The following MLLT3 variants were observed in gnomAD, a reference collection of about 807,000 sequenced individuals.
MLLT3 encodes the protein protein AF-9.
A neutral mutation model predicts 53.2 loss-of-function variants in MLLT3; 4 were observed. The ratio of observed to expected loss-of-function variants is 0.08; its 90% confidence interval spans 0.04 to 0.17. The LOEUF (loss-of-function observed/expected upper bound fraction) is 0.17, where lower values mean the gene tolerates loss of function less well. Among genes scored for constraint, MLLT3 ranks in the 10% least tolerant of loss-of-function variants. The pLI is 1.00. For missense variants in MLLT3, 569 were observed against 684.0 expected (o/e 0.83, Z 1.87); for synonymous variants, 283 against 230.6 (o/e 1.23, Z -2.06).
intron 5 of MLLT3, among the ~76,000 whole-genome samples, chr9:20,397,015 T>C (rs1180425812): frequency 6.6e-6 from 1 of 152,122 alleles, no homozygotes; most frequent in Non-Finnish European, 1.5e-5. Context: ...CAACCAATCC[T>C]TTGATGCAGA....
intron 2 of MLLT3, among the ~76,000 whole-genome samples, chr9:20,605,063 T>G (rs976894424): frequency 1.3e-5 from 2 of 152,118 alleles, no homozygotes; most frequent in South Asian, 2.1e-4. Flanking sequence ...AGGCAAATGG[T>G]TAGTCATTGC....
chr9:20,460,732 C>T (rs1262948431), intron 2 of MLLT3, among the ~76,000 whole-genome samples: 1 of 152,232 alleles, frequency 6.6e-6, no homozygotes, highest in Non-Finnish European at 1.5e-5. Context: ...CTACCCTTCA[C>T]TGATTTACCA....
chr9:20,589,071 C>A (rs1402327595), intron 2 of MLLT3, among the ~76,000 whole-genome samples: 2 of 150,842 alleles, frequency 1.3e-5, no homozygotes, highest in Admixed American at 6.6e-5. Context: ...TTGACCCAGC[C>A]ATCCCATTAC....
chr9:20,379,468 T>C (rs1335580593), intron 5 of MLLT3, among the ~76,000 whole-genome samples: 1 of 152,042 alleles, frequency 6.6e-6, no homozygotes, highest in Non-Finnish European at 1.5e-5. Flanking sequence ...CATCTTGAAT[T>C]TTCTCTAGCC....
At chr9:20,484,183 G>C (rs898183482) in intron 2 of MLLT3, among the ~76,000 whole-genome samples, 3 of 152,164 alleles carry the variant, frequency 2.0e-5, no homozygotes, top group African/African-American at 7.2e-5. Flanking sequence ...TGTGCACACA[G>C]AGGCAATCCA....
intron 2 of MLLT3, among the ~76,000 whole-genome samples, chr9:20,596,772 A>G (rs1372021797): frequency 6.6e-6 from 1 of 152,248 alleles, no homozygotes; most frequent in Non-Finnish European, 1.5e-5. Context: ...AAATATTATT[A>G]TGGGTCCCTT....
At chr9:20,505,778 C>T (rs1383218441) in intron 2 of MLLT3, among the ~76,000 whole-genome samples, 1 of 152,160 alleles carries the variant, frequency 6.6e-6, no homozygotes, top group Non-Finnish European at 1.5e-5. Flanking sequence ...ATTGCGTCAC[C>T]TCGGAAGGCT....
chr9:20,353,614 C>G lies in MLLT3; in HGVS notation c.1504-18G>C, dbSNP rs372483629. ...AGGTATGCCTGAAAGAGAAGAATGT[C>G]CCCGAAAAGGACAAGCACTTTAAGT... On this transcript the variant is annotated intron_variant, in intron 9 of 10. Transcript: ENST00000380338. The G allele has an allele frequency of 1.2e-6, 2 of 1,607,484 alleles. No individual in the cohort carries two copies. Among genetic ancestry groups the G allele is most frequent in the Non-Finnish European group, 1.7e-6 (2 of 1,174,038 alleles).
intron 2 of MLLT3, among the ~76,000 whole-genome samples, chr9:20,615,259 ACCAGGAGATGGGAGGATGGCTTGAGT>A (rs1282444840): frequency 6.6e-6 from 1 of 150,382 alleles, no homozygotes; most frequent in African/African-American, 2.4e-5. Flanking sequence ...ATGGCTTGAG[ACCAGGAGATGGGAGGATGGCTTGAGT>A]CCAGGAGATG....
chr9:20,405,057 A>G (rs1822547317), intron 5 of MLLT3, among the ~76,000 whole-genome samples: 1 of 152,208 alleles, frequency 6.6e-6, no homozygotes, highest in Admixed American at 6.5e-5. Context: ...TCAATACAAT[A>G]GGTTGGAGCC....
rs370439336 is a variant in MLLT3, at chr9:20,423,397, T to C, written c.421-8972A>G. On this transcript the variant is annotated intron_variant, in intron 4 of 10. Transcript: ENST00000380338. ...AACTATACAAATGAAGTTCTATTTATTTCCAGTAGAGGGGGTAAAATATTA... is the reference window on the plus strand; with the variant it reads ...AACTATACAAATGAAGTTCTATTTACTTCCAGTAGAGGGGGTAAAATATTA... Among the ~76,000 whole-genome samples, 6 of 152,316 alleles carry C rather than the reference T, an allele frequency of 3.9e-5. No individual in the cohort carries two copies. The South Asian group carries it at 8.3e-4, about 21-fold the overall frequency.
intron 2 of MLLT3, among the ~76,000 whole-genome samples, chr9:20,578,394 G>A (rs912703482): frequency 6.6e-6 from 1 of 152,088 alleles, no homozygotes. Context: ...ATCTGAAAAT[G>A]GGGCTGAACG....
At chr9:20,571,248 T>C (rs1328833932) in intron 2 of MLLT3, among the ~76,000 whole-genome samples, 3 of 152,170 alleles carry the variant, frequency 2.0e-5, no homozygotes, top group Admixed American at 1.3e-4. Context: ...AAAGCAAAAC[T>C]ACACAATGGG....
intron 2 of MLLT3, among the ~76,000 whole-genome samples, chr9:20,494,659 G>GAC (rs1249663397): frequency 6.6e-6 from 1 of 152,070 alleles, no homozygotes; most frequent in Non-Finnish European, 1.5e-5. Flanking sequence ...ACAAAGTGGT[G>GAC]ACAGCTAAAA....
At chr9:20,367,200 C>T (rs965488080) in intron 5 of MLLT3, among the ~76,000 whole-genome samples, 1 of 152,182 alleles carries the variant, frequency 6.6e-6, no homozygotes, top group Admixed American at 6.5e-5. Context: ...TCTCCTTATC[C>T]TTTTCTAACC....
At chr9:20,370,356 A>G (rs943760394) in intron 5 of MLLT3, among the ~76,000 whole-genome samples, 1 of 152,114 alleles carries the variant, frequency 6.6e-6, no homozygotes, top group African/African-American at 2.4e-5. Flanking sequence ...AACTTAATCA[A>G]TGTTGTGTAT....
At chr9:20,362,312 A>G (rs923350364) in intron 7 of MLLT3, among the ~76,000 whole-genome samples, 1 of 152,180 alleles carries the variant, frequency 6.6e-6, no homozygotes, top group Admixed American at 6.5e-5. Flanking sequence ...CTAAATAACA[A>G]CTAGGGAAAT....
At chr9:20,543,982 T>C (rs983695119) in intron 2 of MLLT3, among the ~76,000 whole-genome samples, 1 of 152,088 alleles carries the variant, frequency 6.6e-6, no homozygotes, top group Admixed American at 6.5e-5. Context: ...GAATCAAAAC[T>C]GTGTAGTACT....
intron 5 of MLLT3, among the ~76,000 whole-genome samples, chr9:20,388,431 AC>A (rs1822095273): frequency 6.6e-6 from 1 of 152,028 alleles, no homozygotes; most frequent in Non-Finnish European, 1.5e-5. Context: ...TACTAAAAAT[AC>A]CAAAAATTAG....
Sources: allele counts gnomAD v4.1 joint callset (sites outside exome capture counted in the v4.1 genomes callset), GRCh38; gene constraint gnomAD v4.1.1; transcripts MANE v1.5; gene names NCBI Gene and HGNC (gene_info 2026-07-23, HGNC 2026-07-21).